Variants in TSGA10 observed in about 807,000 individuals in gnomAD.
TSGA10 encodes the protein testis-specific gene 10 protein.
A neutral mutation model predicts 96.6 loss-of-function variants in TSGA10; 43 were observed. The observed-to-expected ratio is 0.44, with a 90% CI of 0.35 to 0.57. The LOEUF (loss-of-function observed/expected upper bound fraction) is 0.57. Ranked by LOEUF, TSGA10 falls within the 20% of genes least tolerant of loss-of-function variation. The pLI, the probability that TSGA10 is intolerant of heterozygous loss-of-function variation, is 0.01. For missense variants in TSGA10, 703 were observed against 834.4 expected (o/e 0.84, Z 1.94); for synonymous variants, 229 against 269.9 (o/e 0.85, Z 1.48).
chr2:99,071,833 G>T lies in TSGA10; in HGVS notation c.980C>A (p.Ser327Tyr). The change falls in exon 14 of 21, where the codon TCC becomes TAC. Residue 327 changes from serine to tyrosine, a missense_variant. By Grantham distance (144) the Ser-to-Tyr change is moderately radical (BLOSUM62 -2). Around this residue, in one of 3 missense-constraint regions of TSGA10, gnomAD observed 585 missense variants for 656.8 expected, o/e 0.89. Coordinates refer to ENST00000393483, the MANE Select transcript of TSGA10 (RefSeq NM_025244.4). ...EALIVCEQDV[S>Y]RMRRQLDETN... ...CTCATCCAATTGCCGACGCATTCTG[G>T]AAACGTCTTGTTCACACACAATTAG... 6.2e-7 allele frequency: 1 copy of T among 1,613,936 alleles called. No individual in the cohort carries two copies. Among genetic ancestry groups the T allele is most frequent in the Non-Finnish European group, 8.5e-7 (1 of 1,179,906 alleles).
chr2:99,079,003 TA>T (rs1331013522), intron 11 of TSGA10, 190 bp from the exon 12 acceptor site: 8 of 432,542 alleles, frequency 1.8e-5, no homozygotes, highest in Admixed American at 1.2e-4. Context: ...CACAAAACTC[TA>T]AATGATGCAT....
At chr2:99,109,563 A>C (rs2091635940) in intron 5 of TSGA10, 51 bp from the exon 6 acceptor site, 1 of 1,396,078 alleles carries the variant, frequency 7.2e-7, no homozygotes, top group African/African-American at 1.4e-5. Context: ...TTATCTTGCC[A>C]AAGAGGAAAA....
chr2:99,080,345 G>A (rs1317712363), intron 11 of TSGA10, among the ~76,000 whole-genome samples: 1 of 152,040 alleles, frequency 6.6e-6, no homozygotes, highest in African/African-American at 2.4e-5. Flanking sequence ...TCGCTTTCTG[G>A]TCTTCCAAAA....
At chr2:99,074,018 T>C (rs891724220) in intron 12 of TSGA10, among the ~76,000 whole-genome samples, 1 of 129,808 alleles carries the variant, frequency 7.7e-6, no homozygotes, top group East Asian at 2.0e-4. Context: ...TTTTTTTTTT[T>C]TTTTTTTTTT....
At chr2:99,072,351 C>A (rs575922935) in intron 13 of TSGA10, among the ~76,000 whole-genome samples, 1 of 152,316 alleles carries the variant, frequency 6.6e-6, no homozygotes, top group Admixed American at 6.5e-5. Flanking sequence ...CAGTTTTAGA[C>A]CCTCTGTTAT....
intron 17 of TSGA10, among the ~76,000 whole-genome samples, chr2:99,024,362 A>G (rs933783071): frequency 1.3e-5 from 2 of 152,164 alleles, no homozygotes; most frequent in Admixed American, 1.3e-4. Context: ...TGCTGGGATT[A>G]CAGGCATAAG....
At chr2:99,034,258 C>A (rs1186124319) in intron 17 of TSGA10, among the ~76,000 whole-genome samples, 1 of 151,844 alleles carries the variant, frequency 6.6e-6, no homozygotes, top group Non-Finnish European at 1.5e-5. Context: ...AAAAATCAGC[C>A]AGGTGTGGTG....
In TSGA10 at chr2:99,095,802, A is replaced by G. The variant is rs144365085; in HGVS notation, c.611+8165T>C. ...ATTACAGGCACACGCCACCACGCCCAGCTAATTTTTGTATTTTTAGTAGAG... is the reference window on the plus strand; with the variant it reads ...ATTACAGGCACACGCCACCACGCCCGGCTAATTTTTGTATTTTTAGTAGAG... On this transcript the variant is annotated intron_variant, in intron 10 of 20. Transcript: ENST00000393483. 8.3e-3 allele frequency among the ~76,000 whole-genome samples: 1,259 copies of G among 152,246 alleles called. 4 individuals are homozygous for G. Among genetic ancestry groups the G allele is most frequent in the South Asian group, 0.019 (90 of 4,830 alleles).
At chr2:99,118,426 T>C in intron 3 of TSGA10, 125 bp downstream of exon 3, 1 of 278,080 alleles carries the variant, frequency 3.6e-6, no homozygotes, top group Non-Finnish European at 5.4e-6. Context: ...ACTCCAGCCT[T>C]GGTGACACAG....
intron 20 of TSGA10, among the ~76,000 whole-genome samples, chr2:99,017,662 G>A (rs1293461408): frequency 2.0e-5 from 3 of 151,460 alleles, no homozygotes; most frequent in African/African-American, 7.3e-5. Context: ...CTACTTGGGA[G>A]GCTGAGGCAG....
rs557401253 is a variant in TSGA10, at chr2:99,006,088, G to A, written c.2073-7867C>T. Among the ~76,000 whole-genome samples the A allele has an allele frequency of 2.4e-3, 362 of 152,222 alleles. 3 individuals are homozygous for A. Among genetic ancestry groups the A allele is most frequent in the African/African-American group, 8.2e-3 (341 of 41,564 alleles). Reference sequence around the variant, plus strand: ...ATGATGCTGGGAAAACTGGCTAGCTGTATGTAGAAAGCTGAAACTGGATCC... The same window carrying A: ...ATGATGCTGGGAAAACTGGCTAGCTATATGTAGAAAGCTGAAACTGGATCC... On this transcript the variant is annotated intron_variant, in intron 20 of 20. Coordinates refer to ENST00000393483, the MANE Select transcript of TSGA10 (RefSeq NM_025244.4).
At chr2:99,109,281 A>G in intron 6 of TSGA10, 108 bp downstream of exon 6, 2 of 1,216,638 alleles carry the variant, frequency 1.6e-6, no homozygotes, top group South Asian at 2.5e-5. Context: ...TTGAAACAGC[A>G]ATTCACAGCA....
At chr2:99,002,172 G>A (rs1351897689) in intron 20 of TSGA10, among the ~76,000 whole-genome samples, 1 of 152,102 alleles carries the variant, frequency 6.6e-6, no homozygotes, top group Non-Finnish European at 1.5e-5. Flanking sequence ...GCAACTCCAA[G>A]ACACATAATT....
intron 16 of TSGA10, among the ~76,000 whole-genome samples, chr2:99,055,133 G>A (rs1366038898): frequency 6.6e-6 from 1 of 152,150 alleles, no homozygotes; most frequent in East Asian, 1.9e-4. Flanking sequence ...TGAATGGATA[G>A]CAAACTTGTG....
chr2:99,088,319 TTTA>T (rs1322414540), intron 10 of TSGA10, among the ~76,000 whole-genome samples: 1 of 152,216 alleles, frequency 6.6e-6, no homozygotes, highest in Non-Finnish European at 1.5e-5. Context: ...GTTGTTATAT[TTTA>T]TTATTAGTTA....
At position 99,147,170 on chromosome 2, in the gene TSGA10, A is replaced by T. The variant is rs1367698716; in HGVS notation, c.-621+7523T>A. The stretch of plus-strand genomic sequence containing the variant: ...TGTGGCATATCTTTTTGTTTTTTTT[A>T]ATTTTTTTCTGATAGGGATGAGGTC... On this transcript the variant is annotated intron_variant, in intron 1 of 20. Transcript: ENST00000393483. The T allele has an allele frequency of 3.2e-6, 1 of 315,632 alleles. No homozygotes were observed. Among genetic ancestry groups the T allele is most frequent in the Non-Finnish European group, 5.7e-6 (1 of 175,428 alleles). The allele number at this position is 315,632 out of a possible 1,614,324, so 19.6% of individuals were successfully genotyped here. A position where few individuals can be genotyped will look rare whatever the true frequency, so the allele number is the denominator to read the frequency against.
chr2:99,092,224 C>A (rs931432852), intron 10 of TSGA10, among the ~76,000 whole-genome samples: 5 of 152,054 alleles, frequency 3.3e-5, no homozygotes, highest in Non-Finnish European at 4.4e-5. Context: ...TTTAAAAATT[C>A]TTTGAAGTGA....
At chr2:98,998,665 T>C (rs1258711560) in intron 20 of TSGA10, among the ~76,000 whole-genome samples, 1 of 152,176 alleles carries the variant, frequency 6.6e-6, no homozygotes, top group African/African-American at 2.4e-5. Context: ...TTGATCATAG[T>C]TGTGCTGTGT....
chr2:99,136,245 T>A (rs2093322945), intron 1 of TSGA10, among the ~76,000 whole-genome samples: 1 of 152,234 alleles, frequency 6.6e-6, no homozygotes. Flanking sequence ...TATCACTGTT[T>A]TAGTTCATGC....
Sources: allele counts gnomAD v4.1 joint callset (sites outside exome capture counted in the v4.1 genomes callset), GRCh38; gene constraint gnomAD v4.1.1; regional missense constraint gnomAD v4.1.1; transcripts MANE v1.5; gene names NCBI Gene and HGNC (gene_info 2026-07-23, HGNC 2026-07-21).